RRAS2: variants seen among roughly 807,000 people sequenced by gnomAD.
RRAS2 encodes the protein RAS related 2.
In RRAS2, 7 loss-of-function variants were observed where a neutral mutation model predicts 27.6. That is an observed-to-expected ratio of 0.25 (90% CI 0.14 to 0.48). The LOEUF (loss-of-function observed/expected upper bound fraction) is 0.48. Ranked by LOEUF, RRAS2 falls within the 20% of genes least tolerant of loss-of-function variation. RRAS2 has a pLI of 0.99. For synonymous variants in RRAS2, 86 were observed against 90.9 expected, an observed-to-expected ratio of 0.95 and a Z score of 0.31; for missense variants, 178 against 256.2, an observed-to-expected ratio of 0.69 and a Z score of 2.08.
intron 1 of RRAS2, among the ~76,000 whole-genome samples, chr11:14,339,298 G>T (rs1462422907): frequency 2.3e-5 from 3 of 131,362 alleles, no homozygotes; most frequent in African/African-American, 5.4e-5. Context: ...AAAAAAGGGG[G>T]GGGGGGGAAG....
chr11:14,319,520 G>A (rs1231379033), intron 1 of RRAS2, among the ~76,000 whole-genome samples: 1 of 151,804 alleles, frequency 6.6e-6, no homozygotes, highest in South Asian at 2.1e-4. Flanking sequence ...CACCGCGCCC[G>A]GCTAATTTTT....
chr11:14,335,377 T>C (rs192344365), intron 1 of RRAS2, among the ~76,000 whole-genome samples: 1 of 152,316 alleles, frequency 6.6e-6, no homozygotes, highest in African/African-American at 2.4e-5. Flanking sequence ...AAAAGGGATA[T>C]ATACCTTCAT....
chr11:14,324,039 A>G (rs1038473714), intron 1 of RRAS2, among the ~76,000 whole-genome samples: 2 of 151,928 alleles, frequency 1.3e-5, no homozygotes, highest in Non-Finnish European at 2.9e-5. Context: ...TAAAATCAAG[A>G]ACAAGTATGT....
At chr11:14,334,585 T>C (rs1591479957) in intron 1 of RRAS2, among the ~76,000 whole-genome samples, 1 of 151,586 alleles carries the variant, frequency 6.6e-6, no homozygotes, top group African/African-American at 2.4e-5. Context: ...GTCTCCTACA[T>C]CAAAGAAAAT....
intron 1 of RRAS2, among the ~76,000 whole-genome samples, chr11:14,327,608 T>G (rs376955707): frequency 8.5e-4 from 130 of 152,360 alleles, no homozygotes; most frequent in Middle Eastern, 3.4e-3. Context: ...CTTGATTTCA[T>G]GTGAAAGTCA....
At chr11:14,338,560 AGGTCAAGTTTTAAATTTTCCACTT>A (rs1432659588) in intron 1 of RRAS2, among the ~76,000 whole-genome samples, 1 of 152,222 alleles carries the variant, frequency 6.6e-6, no homozygotes, top group Non-Finnish European at 1.5e-5. Flanking sequence ...AGCAAAACTG[AGGTCAAGTTTTAAATTTTCCACTT>A]GTGGCATCAT....
upstream of RRAS2, among the ~76,000 whole-genome samples, chr11:14,360,685 G>A (rs1554956100): frequency 6.6e-6 from 1 of 152,178 alleles, no homozygotes; most frequent in African/African-American, 2.4e-5. Flanking sequence ...ACTTTGGAAG[G>A]CCAAGGCGGG....
chr11:14,282,653 T>TG lies in RRAS2; in HGVS notation c.409-934dup, dbSNP rs200692097. Among the ~76,000 whole-genome samples the TG allele has an allele frequency of 6.6e-3, 665 of 101,414 alleles. 3 individuals carry two copies. Among genetic ancestry groups the TG allele is most frequent in the Non-Finnish European group, 0.011 (503 of 47,886 alleles). 66.5% of individuals were successfully genotyped at this position (101,414 alleles called of 152,430 possible). A position where few individuals can be genotyped will look rare whatever the true frequency, so the allele number is the denominator to read the frequency against. ...TGATGAAAAATTAGAAAAGCCAAAT[T>TG]GGGGGGAAAAAAAAAATCAAAGAAA... On this transcript the variant is annotated intron_variant, in intron 4 of 5. Coordinates refer to ENST00000256196, the MANE Select transcript of RRAS2 (RefSeq NM_012250.6).
intron 1 of RRAS2, among the ~76,000 whole-genome samples, chr11:14,310,692 A>C (rs1246467755): frequency 3.9e-5 from 6 of 152,204 alleles, no homozygotes; most frequent in African/African-American, 1.4e-4. Context: ...AGTTACTGAT[A>C]AACTGGGACT....
chr11:14,322,527 C>CT (rs1848249319), intron 1 of RRAS2, among the ~76,000 whole-genome samples: 1 of 152,140 alleles, frequency 6.6e-6, no homozygotes, highest in African/African-American at 2.4e-5. Flanking sequence ...TCCTGCTTCT[C>CT]TTCCTTGATG....
chr11:14,326,108 T>G (rs1848351637), intron 1 of RRAS2, among the ~76,000 whole-genome samples: 1 of 152,226 alleles, frequency 6.6e-6, no homozygotes. Flanking sequence ...TATTCTTGAA[T>G]GGTGCTAAAA....
At chr11:14,363,771 A>G (rs1849219385), upstream of RRAS2, among the ~76,000 whole-genome samples, 1 of 149,364 alleles carries the variant, frequency 6.7e-6, no homozygotes, top group South Asian at 2.1e-4. Context: ...ACTCCGTCTC[A>G]AAAAATAAAA....
Position 14,358,916 on chromosome 11 carries a change from C to T in RRAS2, c.-46G>A. ...CCTGACTGCGCCGAGCCGCCGCTGCCGCCCGCCCTAGGCCCGGCTCCGGGG... is the reference window on the plus strand; with the variant it reads ...CCTGACTGCGCCGAGCCGCCGCTGCTGCCCGCCCTAGGCCCGGCTCCGGGG... On this transcript the variant is annotated 5_prime_UTR_variant, in exon 1 of 6. Coordinates refer to ENST00000256196, the MANE Select transcript of RRAS2 (RefSeq NM_012250.6). The surrounding 1 kb of genome is among the most constrained non-coding windows in gnomAD (Gnocchi z 5.1). 2 of 1,306,588 alleles carry T rather than the reference C, an allele frequency of 1.5e-6. No individual in the cohort carries two copies. The highest frequency in any genetic ancestry group is 2.0e-6 in the Non-Finnish European group (2 of 1,016,834). The allele number at this position is 1,306,588 out of a possible 1,614,324, so 80.9% of individuals were successfully genotyped here.
Position 14,359,018 on chromosome 11 carries a change from C to G in RRAS2, c.-148G>C. 1 of 1,133,914 alleles carries G rather than the reference C, an allele frequency of 8.8e-7. No individual in the cohort carries two copies. Among genetic ancestry groups the G allele is most frequent in the Non-Finnish European group, 1.1e-6 (1 of 926,180 alleles). The allele number at this position is 1,133,914 out of a possible 1,614,324, so 70.2% of individuals were successfully genotyped here. On this transcript the variant is annotated 5_prime_UTR_variant, in exon 1 of 6. Coordinates refer to ENST00000256196, the MANE Select transcript of RRAS2 (RefSeq NM_012250.6). ...ACCGGGAGGCGTCTGGAGGGCCGGT[C>G]AGCGCGGTAGCGCGGCGCTGGGGAC...
rs548640646 is a variant in RRAS2 at position 14,340,400 on chromosome 11, C to CA, written c.108+18362dup. On this transcript the variant is annotated intron_variant, in intron 1 of 5. Coordinates refer to ENST00000256196, the MANE Select transcript of RRAS2 (RefSeq NM_012250.6). Reference sequence around the variant, plus strand: ...ACAGGAGTGAGCCACCGCACTCAGCCAAAAAAAAGTATTCTGAGAATCCCA... The same window carrying CA: ...ACAGGAGTGAGCCACCGCACTCAGCCAAAAAAAAAGTATTCTGAGAATCCCA... 2.2e-4 allele frequency among the ~76,000 whole-genome samples: 33 copies of CA among 151,166 alleles called. 1 individual carries two copies. In the Middle Eastern group the frequency reaches 0.014, roughly 62 times the overall value.
intron 1 of RRAS2, among the ~76,000 whole-genome samples, chr11:14,333,253 G>A (rs1211888246): frequency 6.6e-6 from 1 of 152,038 alleles, no homozygotes; most frequent in African/African-American, 2.4e-5. Flanking sequence ...ACTATTATAA[G>A]TCATGTCATG....
intron 1 of RRAS2, among the ~76,000 whole-genome samples, chr11:14,309,478 T>C (rs549053588): frequency 7.2e-4 from 109 of 152,192 alleles, no homozygotes; most frequent in African/African-American, 2.5e-3. Flanking sequence ...GCAAACATAA[T>C]ACATCAGAGG....
intron 1 of RRAS2, among the ~76,000 whole-genome samples, chr11:14,299,705 C>A (rs782506265): frequency 1.4e-4 from 21 of 152,150 alleles, no homozygotes; most frequent in Non-Finnish European, 2.5e-4. Flanking sequence ...TAAAGATACT[C>A]CATAAAGACA....
chr11:14,287,704 T>G (rs1005273033), intron 4 of RRAS2, among the ~76,000 whole-genome samples: 1 of 151,768 alleles, frequency 6.6e-6, no homozygotes, highest in African/African-American at 2.4e-5. Context: ...AAACCCTATC[T>G]CTCCTAAAAA....
Sources: gnomAD v4.1 joint callset for allele counts (sites outside exome capture counted in the v4.1 genomes callset) on GRCh38, gnomAD v4.1.1 for gene constraint, Gnocchi (gnomAD v3.1) non-coding constraint, MANE v1.5 for transcripts, NCBI Gene and HGNC (gene_info 2026-07-23, HGNC 2026-07-21) for gene names.